Variants in STARD13 observed in about 807,000 individuals in gnomAD.
The protein encoded by STARD13 is StAR related lipid transfer domain containing 13.
In STARD13, 62 loss-of-function variants were observed where a neutral mutation model predicts 106.4. The observed-to-expected ratio is 0.58, with a 90% CI of 0.48 to 0.72. The LOEUF (loss-of-function observed/expected upper bound fraction) is 0.72. Ranked by LOEUF, STARD13 falls within the 30% of genes least tolerant of loss-of-function variation. The probability of loss-of-function intolerance (pLI) is 0.00; values close to 1 mark genes in which losing one functional copy is unlikely to be tolerated. For synonymous variants in STARD13, 565 were observed against 553.0 expected (o/e 1.02, Z -0.31); for missense variants, 1,387 against 1,424.0 (o/e 0.97, Z 0.42).
the STARD13 span, among the ~76,000 whole-genome samples, chr13:33,362,583 C>T: frequency 6.6e-6 from 1 of 152,108 alleles, no homozygotes; most frequent in African/African-American, 2.4e-5. Context: ...TCTTTGCATC[C>T]CCTGTTCCTG....
At chr13:33,665,498 G>C in the STARD13 span, among the ~76,000 whole-genome samples, 1 of 152,094 alleles carries the variant, frequency 6.6e-6, no homozygotes, top group South Asian at 2.1e-4. Flanking sequence ...GTTATCTCTC[G>C]ATGAGCAGTT....
the STARD13 span, among the ~76,000 whole-genome samples, chr13:33,362,273 C>T: frequency 1.3e-5 from 2 of 152,144 alleles, no homozygotes; most frequent in African/African-American, 4.8e-5. Flanking sequence ...GGGTGAGGGA[C>T]AACCAGCGCT....
chr13:33,414,014 C>T, the STARD13 span, among the ~76,000 whole-genome samples: 1 of 116,570 alleles, frequency 8.6e-6, no homozygotes, highest in Admixed American at 1.1e-4. Context: ...GCCTCAGGGA[C>T]AGAGTGAGAT....
chr13:33,639,733 A>T, the STARD13 span, among the ~76,000 whole-genome samples: 1 of 152,248 alleles, frequency 6.6e-6, no homozygotes, highest in Non-Finnish European at 1.5e-5. Flanking sequence ...TTCAAACTTC[A>T]TTCAAATAAG....
the STARD13 span, among the ~76,000 whole-genome samples, chr13:33,399,784 T>C: frequency 4.0e-5 from 6 of 151,590 alleles, no homozygotes; most frequent in Non-Finnish European, 8.8e-5. Flanking sequence ...TTCTATGTGA[T>C]TTATTAATAT....
At chr13:33,484,646 AT>A in the STARD13 span, among the ~76,000 whole-genome samples, 1 of 152,152 alleles carries the variant, frequency 6.6e-6, no homozygotes, top group African/African-American at 2.4e-5. Context: ...GGGGAGGCTG[AT>A]TTGAGTAGCA....
intron 1 of STARD13, among the ~76,000 whole-genome samples, chr13:33,301,568 CTTTTT>C (rs11393186): frequency 1.4e-5 from 1 of 72,068 alleles, no homozygotes; most frequent in South Asian, 4.4e-4. Context: ...CTTTTTTTTT[CTTTTT>C]TTTTTTTTTT....
chr13:33,154,588 G>A (rs947013951), intron 3 of STARD13, among the ~76,000 whole-genome samples: 38 of 152,062 alleles, frequency 2.5e-4, no homozygotes, highest in African/African-American at 8.9e-4. Flanking sequence ...TCAATAAAAA[G>A]TGATGGCCAA....
chr13:33,163,611 T>TATATATATATATAAAAC (rs1882923572), intron 3 of STARD13, among the ~76,000 whole-genome samples: 2 of 85,006 alleles, frequency 2.4e-5, no homozygotes, highest in Non-Finnish European at 5.3e-5. Context: ...AAAAAATATA[T>TATATATATATATAAAAC]ATATATATAT....
intron 1 of STARD13, chr13:33,185,967 C>T: frequency 1.2e-6 from 2 of 1,614,252 alleles, no homozygotes; most frequent in Non-Finnish European, 1.7e-6. Context: ...CAGCACCAAG[C>T]ACCACAAAGG....
intron 1 of STARD13, among the ~76,000 whole-genome samples, chr13:33,177,157 T>G (rs1158322511): frequency 6.6e-6 from 1 of 152,238 alleles, no homozygotes; most frequent in African/African-American, 2.4e-5. Flanking sequence ...CAACTTTTAC[T>G]AATAAAGTCA....
intron 4 of STARD13, among the ~76,000 whole-genome samples, 180 bp downstream of exon 4, chr13:33,142,130 G>T (rs1340736706): frequency 3.3e-5 from 5 of 152,162 alleles, no homozygotes; most frequent in Non-Finnish European, 5.9e-5. Context: ...CTGGGTTCAA[G>T]CAATGCCCCC....
the STARD13 span, among the ~76,000 whole-genome samples, chr13:33,466,459 A>C: frequency 9.2e-5 from 14 of 152,168 alleles, no homozygotes; most frequent in Non-Finnish European, 1.8e-4. Context: ...CTACTGGCTT[A>C]TTTTGAGGTA....
At chr13:33,241,593 C>T (rs912716142) in intron 1 of STARD13, among the ~76,000 whole-genome samples, 3 of 149,982 alleles carry the variant, frequency 2.0e-5, no homozygotes, top group African/African-American at 7.4e-5. Flanking sequence ...GATGCCGAGC[C>T]GAGGCTGGAC....
At chr13:33,231,747 C>T (rs17078823) in intron 1 of STARD13, among the ~76,000 whole-genome samples, 2,754 of 152,212 alleles carry the variant, frequency 0.018, 85 homozygotes, top group African/African-American at 0.064. Flanking sequence ...GACTGCAGGT[C>T]CGGGGCATTC....
chr13:33,611,312 C>T, the STARD13 span: 3 of 152,254 alleles, frequency 2.0e-5, no homozygotes, highest in African/African-American at 7.2e-5. Context: ...CCAAATGCCA[C>T]ACCGATTGTG....
At chr13:33,377,412 G>GA in the STARD13 span, among the ~76,000 whole-genome samples, 11 of 152,170 alleles carry the variant, frequency 7.2e-5, no homozygotes, top group Non-Finnish European at 1.3e-4. Flanking sequence ...ATACTGAATG[G>GA]AAAAAATACT....
the STARD13 span, among the ~76,000 whole-genome samples, chr13:33,519,283 CTTTCTTTCTT>C: frequency 5.1e-5 from 6 of 118,078 alleles, no homozygotes; most frequent in African/African-American, 2.1e-4. Context: ...TTTTCTTTCT[CTTTCTTTCTT>C]TCTCTCTCTC....
chr13:33,220,323 A>G (rs576581122), intron 1 of STARD13, among the ~76,000 whole-genome samples: 14 of 152,354 alleles, frequency 9.2e-5, no homozygotes, highest in Admixed American at 7.2e-4. Flanking sequence ...ATTATTTTAG[A>G]TTCTAGAGAA....
Sources: gnomAD v4.1 joint callset for allele counts (sites outside exome capture counted in the v4.1 genomes callset) on GRCh38, gnomAD v4.1.1 for gene constraint, MANE v1.5 for transcripts, NCBI Gene and HGNC (gene_info 2026-07-23, HGNC 2026-07-21) for gene names.